ZNF708: variants seen among roughly 807,000 people sequenced by gnomAD.
ZNF708 encodes zinc finger protein 708, also known as ZNF15, ZNF15L1.
In ZNF708, 44 loss-of-function variants were observed where a neutral mutation model predicts 47.0. The observed-to-expected ratio is 0.94, with a 90% CI of 0.74 to 1.20. ZNF708 has a LOEUF of 1.20. ZNF708 is among the 50% of genes most tolerant of loss of function. The pLI is 0.00. For synonymous variants in ZNF708, 184 were observed against 218.5 expected, an observed-to-expected ratio of 0.84 and a Z score of 1.39; for missense variants, 557 against 656.0, an observed-to-expected ratio of 0.85 and a Z score of 1.65.
In ZNF708 at chr19:21,293,243, A is replaced by G; in HGVS notation, c.*31T>C. Reference sequence around the variant, plus strand: ...TATGAATTATCTTGTGTTTTAATAAAAGTTGAAAATACACTAAAGGATTTG... The same window carrying G: ...TATGAATTATCTTGTGTTTTAATAAGAGTTGAAAATACACTAAAGGATTTG... On this transcript the variant is annotated 3_prime_UTR_variant, in exon 4 of 4. Transcript: ENST00000356929. 6.3e-7 allele frequency: 1 copy of G among 1,578,718 alleles called. No homozygotes were observed. Among genetic ancestry groups the G allele is most frequent in the South Asian group, 1.2e-5 (1 of 85,998 alleles).
At position 21,293,438 on chromosome 19, in the gene ZNF708, C is replaced by T. The variant is rs758621638; in HGVS notation, c.1528G>A (p.Gly510Ser). Residue 510 changes from glycine (G) to serine (S), a missense_variant, in exon 4 of 4, where the codon GGC becomes AGC. By Grantham distance (56) the Gly-to-Ser change is moderately conservative. Coordinates refer to ENST00000356929, the MANE Select transcript of ZNF708 (RefSeq NM_021269.3). ...GTTGAGGACTGGTTAAAAGCTTTGC[C>T]ACATTCTTTACATTTGTAGGGTTTC... The part of the protein sequence containing the change: ...GEKPYKCKEC[G>S]KAFNQSSTLM... The T allele has an allele frequency of 2.2e-5, 35 of 1,613,440 alleles. No homozygotes were observed. The South Asian group carries it at 3.6e-4, about 17-fold the overall frequency.
chr19:21,315,192 G>A (rs763266568), intron 1 of ZNF708, among the ~76,000 whole-genome samples: 12 of 152,126 alleles, frequency 7.9e-5, no homozygotes, highest in Non-Finnish European at 1.5e-4. Flanking sequence ...AGCCTCTCAC[G>A]TAACTGTGGC....
Position 21,293,227 on chromosome 19 carries a change from T to G in ZNF708, c.*47A>C, listed in dbSNP as rs780385540. On this transcript the variant is annotated 3_prime_UTR_variant, in exon 4 of 4. Coordinates refer to ENST00000356929, the MANE Select transcript of ZNF708 (RefSeq NM_021269.3). Reference sequence around the variant, plus strand: ...TAGGATTTCTCTCCAGTATGAATTATCTTGTGTTTTAATAAAAGTTGAAAA... The same window carrying G: ...TAGGATTTCTCTCCAGTATGAATTAGCTTGTGTTTTAATAAAAGTTGAAAA... 2 of 1,565,142 alleles carry G rather than the reference T, an allele frequency of 1.3e-6. No individual in the cohort carries two copies. The highest frequency in any genetic ancestry group is 3.7e-5 in the Admixed American group (2 of 53,968).
intron 1 of ZNF708, among the ~76,000 whole-genome samples, chr19:21,320,647 C>A (rs988301796): frequency 6.6e-6 from 1 of 151,744 alleles, no homozygotes; most frequent in Non-Finnish European, 1.5e-5. Flanking sequence ...GAGCAGTCAT[C>A]GCACCACTGC....
rs1014304913 is a variant in ZNF708 at position 21,292,685 on chromosome 19, T to C, written c.*589A>G. 6.5e-6 allele frequency: 1 copy of C among 152,776 alleles called. No individual in the cohort carries two copies. Among genetic ancestry groups the C allele is most frequent in the Non-Finnish European group, 1.5e-5 (1 of 68,448 alleles). 9.5% of individuals were successfully genotyped at this position (152,776 alleles called of 1,614,324 possible). On this transcript the variant is annotated 3_prime_UTR_variant, in exon 4 of 4. Transcript: ENST00000356929. Reference sequence around the variant, plus strand: ...AAAAGCTTATATTTTCTGAAATACTTTTTGACAGTAATTAAATTTATAATA... The same window carrying C: ...AAAAGCTTATATTTTCTGAAATACTCTTTGACAGTAATTAAATTTATAATA...
intron 3 of ZNF708, among the ~76,000 whole-genome samples, chr19:21,301,421 T>G (rs1599672672): frequency 6.6e-6 from 1 of 151,762 alleles, no homozygotes. Context: ...GAGACCAGCC[T>G]GGCCAAGATG....
chr19:21,312,845 A>G (rs922836457), intron 1 of ZNF708, among the ~76,000 whole-genome samples: 1 of 152,270 alleles, frequency 6.6e-6, no homozygotes. Flanking sequence ...ACAAATAAAG[A>G]CAACCCATCT....
At chr19:21,324,929 G>A (rs1307721525) in intron 1 of ZNF708, among the ~76,000 whole-genome samples, 4 of 152,034 alleles carry the variant, frequency 2.6e-5, no homozygotes, top group Admixed American at 6.6e-5. Context: ...TTGTGAAAAT[G>A]TACTCATTTT....
chr19:21,303,923 A>G (rs1972708627), intron 3 of ZNF708, among the ~76,000 whole-genome samples: 1 of 152,156 alleles, frequency 6.6e-6, no homozygotes, highest in Non-Finnish European at 1.5e-5. Flanking sequence ...CAAAATATAT[A>G]AAGCAAATAC....
chr19:21,326,965 T>TTA (rs903350071), intron 1 of ZNF708, among the ~76,000 whole-genome samples: 2 of 151,406 alleles, frequency 1.3e-5, no homozygotes, highest in Non-Finnish European at 2.9e-5. Context: ...ATATATTTGA[T>TTA]TATATATATA....
intron 1 of ZNF708, among the ~76,000 whole-genome samples, chr19:21,314,501 TA>T (rs1972964512): frequency 6.6e-6 from 1 of 152,116 alleles, no homozygotes; most frequent in Admixed American, 6.5e-5. Context: ...GTGGCCCAAA[TA>T]AAGCTCACAA....
At chr19:21,301,229 C>A (rs1277098439) in intron 3 of ZNF708, among the ~76,000 whole-genome samples, 2 of 152,106 alleles carry the variant, frequency 1.3e-5, no homozygotes, top group African/African-American at 4.8e-5. Flanking sequence ...GTAATCCCAG[C>A]ACTTTGGGAG....
intron 3 of ZNF708, among the ~76,000 whole-genome samples, chr19:21,305,713 G>A (rs565950265): frequency 4.0e-5 from 6 of 150,440 alleles, no homozygotes; most frequent in African/African-American, 9.8e-5. Flanking sequence ...TGCCCGCCTG[G>A]GCCTCCCAAA....
In ZNF708 at chr19:21,321,499, T is replaced by C. The variant is rs184174746; in HGVS notation, c.3+7711A>G. 2.3e-3 allele frequency among the ~76,000 whole-genome samples: 342 copies of C among 151,102 alleles called. 1 individual carries two copies. Among genetic ancestry groups the C allele is most frequent in the African/African-American group, 7.7e-3 (316 of 41,158 alleles). On this transcript the variant is annotated intron_variant, in intron 1 of 3. Coordinates refer to ENST00000356929, the MANE Select transcript of ZNF708 (RefSeq NM_021269.3). Reference sequence around the variant, plus strand: ...GCCACTCAGGAGGCAGGAGAATCGCTTGAACCTGGGAGGCGGAAGTTGCAG... The same window carrying C: ...GCCACTCAGGAGGCAGGAGAATCGCCTGAACCTGGGAGGCGGAAGTTGCAG...
chr19:21,304,903 A>G (rs985642301), intron 3 of ZNF708, among the ~76,000 whole-genome samples: 8 of 152,202 alleles, frequency 5.3e-5, no homozygotes, highest in Non-Finnish European at 8.8e-5. Flanking sequence ...TAAGAAGACC[A>G]AAAGTATACA....
rs367972212 is a variant in ZNF708, at chr19:21,293,683, G to A, written c.1283C>T (p.Ala428Val). The change falls in exon 4 of 4, where the codon GCC (alanine) becomes GTC (valine). Residue 428 changes from alanine (A) to valine (V), a missense_variant. By Grantham distance (64) the Ala-to-Val change is moderately conservative. Coordinates refer to ENST00000356929, the MANE Select transcript of ZNF708 (RefSeq NM_021269.3). Reference protein sequence around the residue: ...KPYKCEECGKAFSIFSILTKH... With the variant: ...KPYKCEECGKVFSIFSILTKH... ...AGTAAGGATTGAGAATATACTAAAG[G>A]CTTTACCACATTCTTCACATTTGTA... 1 of 1,612,676 alleles carries A rather than the reference G, an allele frequency of 6.2e-7. No homozygotes were observed. Among genetic ancestry groups the A allele is most frequent in the Admixed American group, 1.7e-5 (1 of 59,936 alleles).
At chr19:21,310,140 T>C (rs558086462) in intron 2 of ZNF708, among the ~76,000 whole-genome samples, 1 of 152,158 alleles carries the variant, frequency 6.6e-6, no homozygotes, top group South Asian at 2.1e-4. Flanking sequence ...ATATTAGGAA[T>C]TGTATATTAA....
intron 3 of ZNF708, among the ~76,000 whole-genome samples, chr19:21,307,886 A>C (rs1972817705): frequency 6.6e-6 from 1 of 152,198 alleles, no homozygotes; most frequent in African/African-American, 2.4e-5. Flanking sequence ...ACAGTACATT[A>C]AAACCTATCT....
rs754103261 is a variant in ZNF708 at position 21,294,282 on chromosome 19, T to C, written c.684A>G (p.Glu228=). Residue 228 remains glutamate (E), a synonymous_variant, in exon 4 of 4, where the codon GAA becomes GAG. Coordinates refer to ENST00000356929, the MANE Select transcript of ZNF708 (RefSeq NM_021269.3). ...AGGACTGGTTAAAAGCTTTTCCACA[T>C]TCTTCACATTTGTAGGGTTTCTCTC... is the stretch of plus-strand genomic sequence containing the variant. ...HTGEKPYKCE[E]CGKAFNQSST... 1 of 1,613,130 alleles carries C rather than the reference T, an allele frequency of 6.2e-7. No individual in the cohort carries two copies. The highest frequency in any genetic ancestry group is 8.5e-7 in the Non-Finnish European group (1 of 1,179,934).
Sources: gnomAD v4.1 joint callset for allele counts (sites outside exome capture counted in the v4.1 genomes callset) on GRCh38, gnomAD v4.1.1 for gene constraint, MANE v1.5 for transcripts, NCBI Gene and HGNC (gene_info 2026-07-23, HGNC 2026-07-21) for gene names.